Variants in HAT1 observed in about 807,000 individuals in gnomAD.
HAT1 encodes histone acetyltransferase type B catalytic subunit.
HAT1 carries 20 observed loss-of-function variants against 56.6 expected under a neutral mutation model. That is an observed-to-expected ratio of 0.35 (90% CI 0.25 to 0.51). The LOEUF is 0.51. Ranked by LOEUF, HAT1 falls within the 20% of genes least tolerant of loss-of-function variation. The probability of loss-of-function intolerance (pLI) is 0.95; values close to 1 mark genes in which losing one functional copy is unlikely to be tolerated. For missense variants in HAT1, 408 were observed against 504.3 expected, an observed-to-expected ratio of 0.81 and a Z score of 1.83; for synonymous variants, 146 against 165.5, an observed-to-expected ratio of 0.88 and a Z score of 0.91.
At chr2:171,936,468 C>CT (rs1371306152) in intron 2 of HAT1, among the ~76,000 whole-genome samples, 2 of 152,198 alleles carry the variant, frequency 1.3e-5, no homozygotes, top group East Asian at 3.9e-4. Context: ...TAACTGACCT[C>CT]TAAGTTTCAC....
intron 2 of HAT1, 23 bp from the exon 3 acceptor site, chr2:171,946,685 T>A (rs779691419): frequency 7.2e-7 from 1 of 1,392,972 alleles, no homozygotes; most frequent in South Asian, 1.2e-5. Flanking sequence ...TTAATATCTC[T>A]ATTTTTTTGT....
chr2:171,944,427 TAA>T (rs1213173962), intron 2 of HAT1, among the ~76,000 whole-genome samples: 1 of 152,224 alleles, frequency 6.6e-6, no homozygotes, highest in African/African-American at 2.4e-5. Context: ...AGATTTAAGA[TAA>T]AAATTTTTGG....
At chr2:171,956,690 T>C (rs1250570338) in intron 4 of HAT1, among the ~76,000 whole-genome samples, 8 of 152,194 alleles carry the variant, frequency 5.3e-5, no homozygotes. Flanking sequence ...AGCAATGAAC[T>C]TGGATGTTTA....
At chr2:171,955,566 G>A (rs1369155074) in intron 4 of HAT1, among the ~76,000 whole-genome samples, 5 of 151,926 alleles carry the variant, frequency 3.3e-5, no homozygotes, top group South Asian at 2.1e-4. Flanking sequence ...AGCCAAGATC[G>A]CGCCATTCAT....
At chr2:171,966,674 TAGA>T (rs1308227914) in intron 7 of HAT1, 161 bp downstream of exon 7, 1 of 627,474 alleles carries the variant, frequency 1.6e-6, no homozygotes, top group Non-Finnish European at 2.8e-6. Context: ...TGAAACAGTG[TAGA>T]AGATTAAACT....
intron 4 of HAT1, among the ~76,000 whole-genome samples, chr2:171,963,498 A>G (rs1180485542): frequency 6.6e-6 from 1 of 152,174 alleles, no homozygotes; most frequent in African/African-American, 2.4e-5. Context: ...GTGATTTGCA[A>G]TGCCTTCTTG....
At chr2:171,972,060 C>T (rs910359727) in intron 8 of HAT1, among the ~76,000 whole-genome samples, 1 of 152,188 alleles carries the variant, frequency 6.6e-6, no homozygotes, top group African/African-American at 2.4e-5. Flanking sequence ...ACAACCACCC[C>T]CTACTGTGTA....
chr2:171,942,930 AC>A (rs1463800789), intron 2 of HAT1, among the ~76,000 whole-genome samples: 1 of 152,092 alleles, frequency 6.6e-6, no homozygotes, highest in African/African-American at 2.4e-5. Flanking sequence ...ATGTCTTTTT[AC>A]CCATCACTAC....
chr2:171,959,957 A>G (rs182114983), intron 4 of HAT1, among the ~76,000 whole-genome samples: 164 of 152,320 alleles, frequency 1.1e-3, no homozygotes, highest in Admixed American at 1.8e-3. Context: ...TAGTCCAGAA[A>G]GATTACCAGG....
At chr2:171,974,207 G>GAAAA (rs202160940) in intron 8 of HAT1, among the ~76,000 whole-genome samples, 63 of 71,094 alleles carry the variant, frequency 8.9e-4, no homozygotes, top group African/African-American at 2.6e-3. Flanking sequence ...AAAAGAAAAA[G>GAAAA]AAAAAAAAAA....
chr2:171,922,611 C>T (rs1686467274), intron 1 of HAT1, 104 bp downstream of exon 1: 1 of 1,019,940 alleles, frequency 9.8e-7, no homozygotes, highest in Non-Finnish European at 1.3e-6. Flanking sequence ...CGGGCTGTAG[C>T]CTGGGTTCCA....
At chr2:171,934,914 C>T (rs1210168225) in intron 2 of HAT1, among the ~76,000 whole-genome samples, 2 of 151,754 alleles carry the variant, frequency 1.3e-5, no homozygotes, top group Non-Finnish European at 2.9e-5. Flanking sequence ...CACCACCACG[C>T]CCAGTTAATT....
rs1012119131 is a variant in HAT1, at chr2:171,969,753, G to A, written c.823+2804G>A. Among the ~76,000 whole-genome samples, 5 of 152,222 alleles carry A rather than the reference G, an allele frequency of 3.3e-5. No individual in the cohort carries two copies. In the East Asian group the frequency reaches 7.7e-4, roughly 24 times the overall value. On this transcript the variant is annotated intron_variant, in intron 8 of 10. Coordinates refer to ENST00000264108, the MANE Select transcript of HAT1 (RefSeq NM_003642.4). ...TTTTTTTGCATGTTTTTTGACTTAT[G>A]TGAAAATTTCAGGTAAAAATGTGGC... is the stretch of plus-strand genomic sequence containing the variant.
chr2:171,950,607 G>A (rs1002122598), intron 3 of HAT1, among the ~76,000 whole-genome samples: 27 of 152,122 alleles, frequency 1.8e-4, no homozygotes, highest in African/African-American at 2.9e-4. Flanking sequence ...AGGTTCAAGC[G>A]ATTCTCCTGC....
At chr2:171,977,552 TA>T (rs1229624685) in intron 9 of HAT1, among the ~76,000 whole-genome samples, 7 of 19,866 alleles carry the variant, frequency 3.5e-4, no homozygotes, top group African/African-American at 1.4e-3. Context: ...TATATATATA[TA>T]TATATTTTTT....
chr2:171,979,118 T>C, intron 9 of HAT1, 129 bp from the exon 10 acceptor site: 1 of 623,538 alleles, frequency 1.6e-6, no homozygotes, highest in Non-Finnish European at 2.9e-6. Flanking sequence ...ACTACTTTTA[T>C]TGCCTTTCCT....
intron 8 of HAT1, among the ~76,000 whole-genome samples, chr2:171,970,019 G>A (rs1244448662): frequency 3.3e-5 from 5 of 151,998 alleles, no homozygotes; most frequent in Non-Finnish European, 5.9e-5. Context: ...AGCTGGATAT[G>A]GTGTCACACA....
chr2:171,981,226 T>C (rs773652094), intron 10 of HAT1, among the ~76,000 whole-genome samples: 1 of 152,072 alleles, frequency 6.6e-6, no homozygotes, highest in Non-Finnish European at 1.5e-5. Flanking sequence ...ATTGGCAGAA[T>C]ATTTAATTTA....
At position 171,940,235 on chromosome 2, in the gene HAT1, G is replaced by T. The variant is rs533231699; in HGVS notation, c.113-6473G>T. On this transcript the variant is annotated intron_variant, in intron 2 of 10. Transcript: ENST00000264108. ...AGTGTGGTATTGGTTGGCAAGAAAA[G>T]TACACATAACGTATTCTCATGCACA... Among the ~76,000 whole-genome samples the T allele has an allele frequency of 4.6e-5, 7 of 152,332 alleles. No individual in the cohort carries two copies. In the South Asian group the frequency reaches 1.4e-3, roughly 32 times the overall value.
Sources: gnomAD v4.1 joint callset for allele counts (sites outside exome capture counted in the v4.1 genomes callset) on GRCh38, gnomAD v4.1.1 for gene constraint, MANE v1.5 for transcripts, NCBI Gene and HGNC (gene_info 2026-07-23, HGNC 2026-07-21) for gene names.